The following UBR4 variants were observed in gnomAD, a reference collection of about 807,000 sequenced individuals.
UBR4 encodes the protein E3 ubiquitin-protein ligase UBR4.
Under a neutral mutation model 575.6 loss-of-function variants are expected in UBR4, and 124 were observed. The observed-to-expected ratio is 0.22, with a 90% CI of 0.19 to 0.25. The LOEUF (loss-of-function observed/expected upper bound fraction) is 0.25, where lower values mean the gene tolerates loss of function less well. UBR4 is among the 10% of genes least tolerant of loss of function. UBR4 has a pLI of 1.00. For synonymous variants in UBR4, 2,455 were observed against 2,473.7 expected (o/e 0.99, Z 0.22); for missense variants, 4,818 against 6,478.8 (o/e 0.74, Z 8.80).
chr1:19,143,986 G>T lies in UBR4; in HGVS notation c.8173C>A (p.Pro2725Thr). Residue 2725 changes from proline (P) to threonine (T), a missense_variant, in exon 55 of 106, where the codon CCA becomes ACA. Pro to Thr is a conservative substitution (Grantham distance 38). Transcript: ENST00000375254. ...TLPSSPRSNT[P>T]MGDKDDDDDD... is the part of the protein sequence containing the mutation. Reference sequence around the variant, plus strand: ...AACCCAGACCTCATATTACCCATTGGAGTGTTGCTTCGAGGGGAAGAGGGT... The same window carrying T: ...AACCCAGACCTCATATTACCCATTGTAGTGTTGCTTCGAGGGGAAGAGGGT... 6.2e-7 allele frequency: 1 copy of T among 1,613,660 alleles called. No individual in the cohort carries two copies. Among genetic ancestry groups the T allele is most frequent in the Non-Finnish European group, 8.5e-7 (1 of 1,179,660 alleles).
chr1:19,206,119 A>T (rs1250227889), intron 1 of UBR4, among the ~76,000 whole-genome samples: 1 of 152,210 alleles, frequency 6.6e-6, no homozygotes, highest in Non-Finnish European at 1.5e-5. Flanking sequence ...GAAAAGTAAC[A>T]GTGTGTTTAA....
At chr1:19,172,807 G>C in intron 25 of UBR4, 57 bp downstream of exon 25, 1 of 1,532,960 alleles carries the variant, frequency 6.5e-7, no homozygotes, top group Middle Eastern at 1.8e-4. Context: ...GAGTCAATGC[G>C]GGATCTGCAC....
intron 71 of UBR4, 36 bp downstream of exon 71, chr1:19,118,836 G>A: frequency 6.3e-7 from 1 of 1,599,764 alleles, no homozygotes. Flanking sequence ...AATGCTGACT[G>A]AGCTTCCCAC....
chr1:19,191,736 A>T (rs1269000418), intron 11 of UBR4, among the ~76,000 whole-genome samples: 1 of 152,178 alleles, frequency 6.6e-6, no homozygotes, highest in East Asian at 1.9e-4. Context: ...AGAAAACGAA[A>T]CCTGAACAGT....
chr1:19,193,644 A>G (rs1440433293), intron 8 of UBR4, 87 bp from the exon 9 acceptor site: 4 of 1,488,976 alleles, frequency 2.7e-6, no homozygotes, highest in African/African-American at 2.8e-5. Context: ...CCCACCCACA[A>G]GCAATTCCAT....
rs1335178603 is a variant in UBR4 at position 19,089,818 on chromosome 1, T to C, written c.14212-841A>G. On this transcript the variant is annotated intron_variant, in intron 97 of 105. Transcript: ENST00000375254. This position sits in a 1 kb window ranked among gnomAD's most constrained non-coding sequence, Gnocchi z 4.3. ...GTTCTCACAGCAAGTCCACTTCCAA[T>C]CTGTGTCTCAGCGAAATTACCTATT... 6.6e-6 allele frequency among the ~76,000 whole-genome samples: 1 copy of C among 152,246 alleles called. No homozygotes were observed. The highest frequency in any genetic ancestry group is 2.4e-5 in the African/African-American group (1 of 41,456).
chr1:19,114,678 A>C (rs2274004), intron 75 of UBR4, 133 bp downstream of exon 75: 1 of 1,167,636 alleles, frequency 8.6e-7, no homozygotes, highest in Non-Finnish European at 1.2e-6. Context: ...TCCCACCCAA[A>C]AGCTGGGCCC....
At chr1:19,154,483 G>A (rs2181596) in intron 44 of UBR4, among the ~76,000 whole-genome samples, 4,565 of 152,220 alleles carry the variant, frequency 0.03, 120 homozygotes, top group Middle Eastern at 0.058. Flanking sequence ...CTTGTTGAAA[G>A]TCTCTTCCTC....
chr1:19,130,195 A>C (rs762824629), intron 60 of UBR4, among the ~76,000 whole-genome samples: 2 of 152,198 alleles, frequency 1.3e-5, no homozygotes, highest in Non-Finnish European at 2.9e-5. Context: ...TAGCCTGGGC[A>C]ACAGAGCTGA....
At chr1:19,193,995 A>G (rs2092293067) in intron 8 of UBR4, among the ~76,000 whole-genome samples, 1 of 152,232 alleles carries the variant, frequency 6.6e-6, no homozygotes, top group African/African-American at 2.4e-5. Flanking sequence ...AAAAGGTAAA[A>G]CTAGAGAGAC....
rs2077707787 is a variant in UBR4, at chr1:19,093,265, A to AAGGGCAAAGCG, written c.14111+37_14111+47dup. ...AGATGCTGATGGAGAAGGAAAAGGA[A>AAGGGCAAAGCG]AGGGCAAAGCGAAGGCAAAGCAGCC... On this transcript the variant is annotated intron_variant, in intron 96 of 105. Transcript: ENST00000375254. This position sits in a 1 kb window ranked among gnomAD's most constrained non-coding sequence, Gnocchi z 4.8. 5 of 1,590,770 alleles carry AAGGGCAAAGCG rather than the reference A, an allele frequency of 3.1e-6. No individual in the cohort carries two copies. The highest frequency in any genetic ancestry group is 4.3e-6 in the Non-Finnish European group (5 of 1,167,714).
Position 19,114,919 on chromosome 1 carries a change from G to A in UBR4, c.11094C>T (p.Phe3698=). 1 of 1,614,238 alleles carries A rather than the reference G, an allele frequency of 6.2e-7. No homozygotes were observed. The highest frequency in any genetic ancestry group is 8.5e-7 in the Non-Finnish European group (1 of 1,180,042). ...TACAGAAGCCACAGGCATTGCAGAGGAAGGGATCCTTTTCATCGTAGTTGA... is the reference window on the plus strand; with the variant it reads ...TACAGAAGCCACAGGCATTGCAGAGAAAGGGATCCTTTTCATCGTAGTTGA... ...RSINYDEKDP[F]LCNACGFCKY... Residue 3698 remains phenylalanine (F), a synonymous_variant, in exon 75 of 106, where the codon TTC becomes TTT. Transcript: ENST00000375254.
intron 19 of UBR4, 137 bp from the exon 20 acceptor site, chr1:19,176,864 A>G: frequency 9.7e-7 from 1 of 1,031,502 alleles, no homozygotes. Context: ...ATTCTGTTTT[A>G]TTGGGCACCA....
intron 17 of UBR4, among the ~76,000 whole-genome samples, chr1:19,183,261 CTGTT>C (rs1209102020): frequency 6.6e-6 from 1 of 152,102 alleles, no homozygotes; most frequent in Admixed American, 6.5e-5. Context: ...TCAGGAGTTT[CTGTT>C]TGTTTTTGTG....
At chr1:19,179,470 C>T (rs905283955) in intron 17 of UBR4, among the ~76,000 whole-genome samples, 2 of 152,072 alleles carry the variant, frequency 1.3e-5, no homozygotes, top group African/African-American at 4.8e-5. Flanking sequence ...CAGATATGGG[C>T]TCCTGAAAAA....
intron 65 of UBR4, 27 bp downstream of exon 65, chr1:19,124,514 A>G: frequency 6.2e-7 from 1 of 1,612,830 alleles, no homozygotes; most frequent in Non-Finnish European, 8.5e-7. Flanking sequence ...CAGCCCAACA[A>G]GCATGCAGCT....
At position 19,149,719 on chromosome 1, in the gene UBR4, A is replaced by G. The variant is rs748613238; in HGVS notation, c.7430+858T>C. The G allele has an allele frequency of 1.9e-5, 24 of 1,289,060 alleles. 1 individual carries two copies. In the South Asian group the frequency reaches 2.9e-4, roughly 16 times the overall value. 79.9% of individuals were successfully genotyped at this position (1,289,060 alleles called of 1,614,324 possible). A position where few individuals can be genotyped will look rare whatever the true frequency, so the allele number is the denominator to read the frequency against. ...ACACCATTGGTTACACGGCTCTCTGACACACACTCACTCGTGCAGAGAAAA... is the reference window on the plus strand; with the variant it reads ...ACACCATTGGTTACACGGCTCTCTGGCACACACTCACTCGTGCAGAGAAAA... On this transcript the variant is annotated intron_variant, in intron 49 of 105. Coordinates refer to ENST00000375254, the MANE Select transcript of UBR4 (RefSeq NM_020765.3).
intron 68 of UBR4, among the ~76,000 whole-genome samples, chr1:19,120,912 G>A (rs1246325735): frequency 6.6e-6 from 1 of 152,204 alleles, no homozygotes; most frequent in Non-Finnish European, 1.5e-5. Context: ...TAGAGAAGGT[G>A]TTATTATTTC....
intron 13 of UBR4, 34 bp from the exon 14 acceptor site, chr1:19,186,691 C>G: frequency 6.3e-7 from 1 of 1,598,908 alleles, no homozygotes; most frequent in Middle Eastern, 1.7e-4. Context: ...CCGGAGCCAT[C>G]CTATTTAATC....
Sources: gnomAD v4.1 joint callset for allele counts (sites outside exome capture counted in the v4.1 genomes callset) on GRCh38, gnomAD v4.1.1 for gene constraint, Gnocchi (gnomAD v3.1) non-coding constraint, MANE v1.5 for transcripts, NCBI Gene and HGNC (gene_info 2026-07-23, HGNC 2026-07-21) for gene names.